GMDS: variants seen among roughly 807,000 people sequenced by gnomAD.
The protein encoded by GMDS is GDP-mannose 4,6-dehydratase.
GMDS carries 20 observed loss-of-function variants against 49.9 expected under a neutral mutation model. The observed-to-expected ratio is 0.40, with a 90% confidence interval of 0.28 to 0.58. GMDS has a LOEUF of 0.58. Among genes scored for constraint, GMDS ranks in the 20% least tolerant of loss-of-function variants. GMDS has a pLI of 0.42. For missense variants in GMDS, 362 were observed against 481.4 expected (o/e 0.75, Z 2.32); for synonymous variants, 177 against 178.6 (o/e 0.99, Z 0.07).
chr6:2,047,334 TAAC>T (rs1273232646), intron 4 of GMDS, among the ~76,000 whole-genome samples: 4 of 152,156 alleles, frequency 2.6e-5, no homozygotes, highest in South Asian at 4.1e-4. Context: ...AATTTTACCT[TAAC>T]AACGAACAAG....
intron 8 of GMDS, among the ~76,000 whole-genome samples, chr6:1,733,583 G>A (rs144623774): frequency 9.8e-4 from 149 of 152,356 alleles, no homozygotes; most frequent in African/African-American, 3.2e-3. Flanking sequence ...TTGGGAAGCC[G>A]AGGCAGGCGG....
intron 9 of GMDS, chr6:1,625,424 C>G (rs921120401): frequency 2.6e-5 from 4 of 152,264 alleles, no homozygotes; most frequent in African/African-American, 9.6e-5. Flanking sequence ...CTCTGCAGGA[C>G]CCCGCACTGC....
At chr6:1,837,750 G>A (rs1453849786) in intron 7 of GMDS, among the ~76,000 whole-genome samples, 6 of 152,258 alleles carry the variant, frequency 3.9e-5, no homozygotes, top group Middle Eastern at 6.8e-3. Context: ...CCTTCCTGCT[G>A]GGAGTTCCTT....
chr6:1,637,274 G>A (rs571622955), intron 9 of GMDS, among the ~76,000 whole-genome samples: 1 of 152,328 alleles, frequency 6.6e-6, no homozygotes, highest in African/African-American at 2.4e-5. Context: ...GCCTTTCCAG[G>A]CATCTCTCCA....
chr6:2,178,577 C>T (rs1778387517), intron 1 of GMDS, among the ~76,000 whole-genome samples: 1 of 152,130 alleles, frequency 6.6e-6, no homozygotes, highest in Non-Finnish European at 1.5e-5. Flanking sequence ...TCCAATCCAA[C>T]ATAAGATTTA....
chr6:2,007,452 C>T (rs1197765571), intron 4 of GMDS, among the ~76,000 whole-genome samples: 1 of 151,968 alleles, frequency 6.6e-6, no homozygotes, highest in South Asian at 2.1e-4. Context: ...CAATTCTAAG[C>T]GTCTACACTT....
intron 1 of GMDS, among the ~76,000 whole-genome samples, chr6:2,181,174 C>CAAAAAAAAAAAAAAAAAA (rs755377915): frequency 1.9e-5 from 1 of 51,336 alleles, no homozygotes; most frequent in Non-Finnish European, 4.6e-5. Flanking sequence ...GACTCCATCT[C>CAAAAAAAAAAAAAAAAAA]AAAAAAAAAA....
intron 4 of GMDS, among the ~76,000 whole-genome samples, chr6:1,974,043 C>T (rs1194458185): frequency 6.6e-6 from 1 of 152,118 alleles, no homozygotes; most frequent in Non-Finnish European, 1.5e-5. Flanking sequence ...AAAGCAACAT[C>T]ATATTATGTG....
intron 1 of GMDS, among the ~76,000 whole-genome samples, chr6:2,212,952 C>T (rs1002100587): frequency 2.0e-5 from 3 of 151,954 alleles, no homozygotes; most frequent in Non-Finnish European, 4.4e-5. Context: ...TTCTGTATGC[C>T]CATGGCATTC....
At chr6:2,156,329 T>C (rs1777112771) in intron 1 of GMDS, among the ~76,000 whole-genome samples, 1 of 152,138 alleles carries the variant, frequency 6.6e-6, no homozygotes, top group African/African-American at 2.4e-5. Flanking sequence ...TATCTCTACG[T>C]CACTATCACG....
intron 7 of GMDS, among the ~76,000 whole-genome samples, chr6:1,901,953 T>G (rs376071062): frequency 6.6e-6 from 1 of 152,222 alleles, no homozygotes; most frequent in South Asian, 2.1e-4. Context: ...CTCAGATGAC[T>G]TCTGCGCAAT....
intron 7 of GMDS, among the ~76,000 whole-genome samples, chr6:1,868,166 T>C (rs1581275785): frequency 2.0e-5 from 3 of 152,094 alleles, no homozygotes; most frequent in Non-Finnish European, 4.4e-5. Flanking sequence ...TTTATATTTT[T>C]AGTAGAGATG....
At chr6:1,767,202 C>A (rs749550939) in intron 7 of GMDS, among the ~76,000 whole-genome samples, 1 of 151,854 alleles carries the variant, frequency 6.6e-6, no homozygotes, top group Non-Finnish European at 1.5e-5. Context: ...CCACCCACCA[C>A]CCCCCCAAAT....
chr6:2,119,357 T>G (rs1305973265), intron 2 of GMDS, among the ~76,000 whole-genome samples: 1 of 152,178 alleles, frequency 6.6e-6, no homozygotes, highest in African/African-American at 2.4e-5. Flanking sequence ...TACTGTCACA[T>G]TAAAAATCAA....
At chr6:1,760,139 G>A (rs998059770) in intron 7 of GMDS, among the ~76,000 whole-genome samples, 34 of 152,314 alleles carry the variant, frequency 2.2e-4, no homozygotes, top group African/African-American at 7.7e-4. Context: ...GGGAGTGAGG[G>A]AGATGTGCAG....
At chr6:1,724,473 T>G (rs1766501293) in intron 9 of GMDS, among the ~76,000 whole-genome samples, 1 of 152,184 alleles carries the variant, frequency 6.6e-6, no homozygotes. Flanking sequence ...CTTGTCTAAG[T>G]AGGAATGACA....
intron 4 of GMDS, among the ~76,000 whole-genome samples, chr6:2,055,836 A>T (rs188534926): frequency 2.0e-3 from 310 of 152,266 alleles, no homozygotes; most frequent in African/African-American, 7.4e-3. Flanking sequence ...ATGCCCCAAA[A>T]TACCTACTAT....
At chr6:1,664,219 G>C (rs1764170829) in intron 9 of GMDS, among the ~76,000 whole-genome samples, 1 of 152,196 alleles carries the variant, frequency 6.6e-6, no homozygotes, top group African/African-American at 2.4e-5. Context: ...GTAAGGCCGA[G>C]AATCTGCCCT....
chr6:1,994,225 A>G (rs1766136792), intron 4 of GMDS, among the ~76,000 whole-genome samples: 1 of 152,218 alleles, frequency 6.6e-6, no homozygotes, highest in Non-Finnish European at 1.5e-5. Flanking sequence ...AACATTTAGA[A>G]TATTTTATCA....
Sources: allele counts gnomAD v4.1 joint callset (sites outside exome capture counted in the v4.1 genomes callset), GRCh38; gene constraint gnomAD v4.1.1; transcripts MANE v1.5; gene names NCBI Gene and HGNC (gene_info 2026-07-23, HGNC 2026-07-21).